Variants in TMBIM1 observed in about 807,000 individuals in gnomAD.
TMBIM1 encodes the protein transmembrane BAX inhibitor motif containing 1.
Under a neutral mutation model 45.1 loss-of-function variants are expected in TMBIM1, and 34 were observed. The ratio of observed to expected loss-of-function variants is 0.75; its 90% CI spans 0.57 to 1.00. The LOEUF (loss-of-function observed/expected upper bound fraction) is 1.00, where lower values mean the gene tolerates loss of function less well. TMBIM1 is among the 50% of genes least tolerant of loss of function. TMBIM1 has a pLI of 0.00. For missense variants in TMBIM1, 374 were observed against 402.4 expected, an observed-to-expected ratio of 0.93 and a Z score of 0.60; for synonymous variants, 157 against 153.5, an observed-to-expected ratio of 1.02 and a Z score of -0.17.
In TMBIM1 at chr2:218,278,577, G is replaced by C; in HGVS notation, c.423-12C>G. 1 of 1,614,182 alleles carries C rather than the reference G, an allele frequency of 6.2e-7. No individual in the cohort carries two copies. The highest frequency in any genetic ancestry group is 8.5e-7 in the Non-Finnish European group (1 of 1,180,002). On this transcript the variant is annotated splice_polypyrimidine_tract_variant and intron_variant, in intron 5 of 11. Transcript: ENST00000258412. Reference sequence around the variant, plus strand: ...CAACGAAGACAGCACTAGGGACAAAGAGATGGGGAAGCAGTTCAGGCCCAA... The same window carrying C: ...CAACGAAGACAGCACTAGGGACAAACAGATGGGGAAGCAGTTCAGGCCCAA...
At chr2:218,289,621 G>A (rs1436599689) in intron 1 of TMBIM1, among the ~76,000 whole-genome samples, 4 of 21,400 alleles carry the variant, frequency 1.9e-4, no homozygotes, top group East Asian at 1.8e-3. Flanking sequence ...CAGCCTGGGC[G>A]ACAGAAAAAA....
Position 218,277,072 on chromosome 2 carries a change from A to C in TMBIM1, c.667T>G (p.Phe223Val), listed in dbSNP as rs984558617. 1 of 1,614,210 alleles carries C rather than the reference A, an allele frequency of 6.2e-7. No individual in the cohort carries two copies. The highest frequency in any genetic ancestry group is 8.5e-7 in the Non-Finnish European group (1 of 1,180,020). ...AGGAGCACAATTCCCAGGACACAGA[A>C]GAGGCCTGTGCACGAGGTGAAGTCC... is the stretch of plus-strand genomic sequence containing the variant. ...KVDFTSCTGL[F>V]CVLGIVLLVT... Residue 223 changes from phenylalanine to valine, a missense_variant, in exon 10 of 12, where the codon TTC becomes GTC. By Grantham distance (50) the Phe-to-Val change is conservative (BLOSUM62 -1). Coordinates refer to ENST00000258412, the MANE Select transcript of TMBIM1 (RefSeq NM_022152.6).
chr2:218,277,986 G>C lies in TMBIM1; in HGVS notation c.474-12C>G. 1 of 1,614,112 alleles carries C rather than the reference G, an allele frequency of 6.2e-7. No individual in the cohort carries two copies. Among genetic ancestry groups the C allele is most frequent in the Admixed American group, 1.7e-5 (1 of 60,014 alleles). On this transcript the variant is annotated splice_polypyrimidine_tract_variant and intron_variant, in intron 6 of 11. Transcript: ENST00000258412. ...ATGGGAAACGGCGTCTGAAGGGAAA[G>C]AGAAGCCTTGATTAAATGACTTGGG...
chr2:218,283,877 A>G lies in TMBIM1; in HGVS notation c.-40-1696T>C, dbSNP rs566556598. On this transcript the variant is annotated intron_variant, in intron 1 of 11. Transcript: ENST00000258412. ...AGGGCAAGAATGTCAGGTCAGAAAT[A>G]CAAAGCTGGCAGGGTGCGGTAACTC... Among the ~76,000 whole-genome samples the G allele has an allele frequency of 1.1e-3, 165 of 152,268 alleles. 1 individual carries two copies. The highest frequency in any genetic ancestry group is 3.6e-3 in the African/African-American group (151 of 41,538).
intron 2 of TMBIM1, 77 bp downstream of exon 2, chr2:218,281,863 G>A: frequency 9.0e-7 from 1 of 1,110,444 alleles, no homozygotes; most frequent in Non-Finnish European, 1.3e-6. Flanking sequence ...AAGAGAAAAG[G>A]GGCAGGAGGC....
At chr2:218,289,613 G>A (rs1692793908) in intron 1 of TMBIM1, among the ~76,000 whole-genome samples, 1 of 116,034 alleles carries the variant, frequency 8.6e-6, no homozygotes, top group Non-Finnish European at 1.7e-5. Flanking sequence ...CTGCACTCCA[G>A]CCTGGGCGAC....
At chr2:218,277,739 C>A (rs1470168508) in intron 7 of TMBIM1, 69 bp from the exon 8 acceptor site, 1 of 1,597,902 alleles carries the variant, frequency 6.3e-7, no homozygotes. Flanking sequence ...GGGGGAGTGG[C>A]CATGGTGGCC....
Position 218,281,958 on chromosome 2 carries a change from G to A in TMBIM1, c.184C>T (p.Pro62Ser), listed in dbSNP as rs749253010. The A allele has an allele frequency of 1.2e-5, 19 of 1,600,260 alleles. No individual in the cohort carries two copies. The Admixed American group carries it at 3.2e-4, about 27-fold the overall frequency. The change falls in exon 2 of 12, where the codon CCG becomes TCG. Residue 62 changes from proline to serine, a missense_variant. Physicochemically the swap from Pro to Ser is moderately conservative, Grantham distance 74. Transcript: ENST00000258412. ...GACTCACCGTAGTTCATGGGCATCG[G>A]GTGGGTGGGGGGCATGGGCTGTGGG... ...GYPQPMPPTH[P>S]MPMNYGPGHG... is the part of the protein sequence containing the mutation.
intron 1 of TMBIM1, among the ~76,000 whole-genome samples, chr2:218,291,186 G>T (rs2382819): frequency 0.36 from 54,642 of 151,716 alleles, 10,244 homozygotes; most frequent in Middle Eastern, 0.53. Context: ...CTCTCTGAAG[G>T]GCTCATTTTT....
chr2:218,278,946 A>G (rs1454746579), intron 5 of TMBIM1, 92 bp downstream of exon 5: 1 of 1,491,098 alleles, frequency 6.7e-7, no homozygotes, highest in Non-Finnish European at 9.2e-7. Flanking sequence ...CTCAAAAAGC[A>G]TTTTGATCCT....
intron 10 of TMBIM1, 141 bp from the exon 11 acceptor site, chr2:218,276,220 A>G: frequency 1.2e-6 from 1 of 836,746 alleles, no homozygotes; most frequent in Non-Finnish European, 1.9e-6. Flanking sequence ...CTGCCTTTCC[A>G]GATCTTGGAG....
At chr2:218,277,195 G>A in intron 9 of TMBIM1, 96 bp from the exon 10 acceptor site, 7 of 1,220,180 alleles carry the variant, frequency 5.7e-6, no homozygotes, top group African/African-American at 3.0e-5. Context: ...TGCCTCCTAG[G>A]GGGTATGGGA....
At chr2:218,284,878 A>G (rs767924027) in intron 1 of TMBIM1, among the ~76,000 whole-genome samples, 1 of 152,164 alleles carries the variant, frequency 6.6e-6, no homozygotes, top group Non-Finnish European at 1.5e-5. Flanking sequence ...ATCACCTGAG[A>G]TCAGGAGTTC....
Position 218,279,344 on chromosome 2 carries a change from T to C in TMBIM1, c.313A>G (p.Ile105Val), listed in dbSNP as rs1253704886. 6.3e-7 allele frequency: 1 copy of C among 1,582,788 alleles called. No homozygotes were observed. ...GTGATGAGCAGCTGCACGGAGATGA[T>C]GGAGTAAACCTGGACACAGACGGCC... ...RHTFIRKVYS[I>V]ISVQLLITVA... Residue 105 changes from isoleucine (I) to valine (V), a missense_variant, in exon 4 of 12, where the codon ATC becomes GTC. Physicochemically the swap from Ile to Val is conservative, Grantham distance 29. Transcript: ENST00000258412.
chr2:218,282,195 G>A lies in TMBIM1; in HGVS notation c.-40-14C>T. ...AGCTGCTGGGACCTGAAATGGGAGAGGAGAAAAGCAATCGTGAATGCCCAG... is the reference window on the plus strand; with the variant it reads ...AGCTGCTGGGACCTGAAATGGGAGAAGAGAAAAGCAATCGTGAATGCCCAG... On this transcript the variant is annotated splice_polypyrimidine_tract_variant and intron_variant, in intron 1 of 11. Coordinates refer to ENST00000258412, the MANE Select transcript of TMBIM1 (RefSeq NM_022152.6). The A allele has an allele frequency of 7.3e-7, 1 of 1,374,388 alleles. No homozygotes were observed. The highest frequency in any genetic ancestry group is 3.3e-5 in the Admixed American group (1 of 30,596). The allele number at this position is 1,374,388 out of a possible 1,614,324, so 85.1% of individuals were successfully genotyped here. A position where few individuals can be genotyped will look rare whatever the true frequency, so the allele number is the denominator to read the frequency against.
At chr2:218,275,805 C>G (rs1296192289) in intron 11 of TMBIM1, among the ~76,000 whole-genome samples, 184 bp from the exon 12 acceptor site, 2 of 152,158 alleles carry the variant, frequency 1.3e-5, no homozygotes, top group African/African-American at 4.8e-5. Flanking sequence ...GCAGACACAC[C>G]GTTCTCAATA....
intron 2 of TMBIM1, chr2:218,280,331 C>T (rs1004252872): frequency 5.7e-6 from 3 of 523,072 alleles, no homozygotes; most frequent in East Asian, 3.4e-5. Context: ...AGGTGGGAAA[C>T]GTTCCTCACG....
chr2:218,276,572 C>T (rs947277287), intron 10 of TMBIM1, among the ~76,000 whole-genome samples: 1 of 152,178 alleles, frequency 6.6e-6, no homozygotes, highest in Non-Finnish European at 1.5e-5. Flanking sequence ...GCCCTCGTGT[C>T]CCCATCCTTC....
chr2:218,282,096 G>A lies in TMBIM1; in HGVS notation c.46C>T (p.Leu16=). The part of the protein sequence containing the change: ...APPPYEDRNP[L]YPGPPPPGGY... Reference sequence around the variant, plus strand: ...CCAGGGGGCGGAGGGCCTGGGTACAGGGGGTTGCGGTCTTCATATGGTGGT... The same window carrying A: ...CCAGGGGGCGGAGGGCCTGGGTACAAGGGGTTGCGGTCTTCATATGGTGGT... Residue 16 remains leucine, a synonymous_variant, in exon 2 of 12, where the codon CTG becomes TTG. Coordinates refer to ENST00000258412, the MANE Select transcript of TMBIM1 (RefSeq NM_022152.6). 6.4e-7 allele frequency: 1 copy of A among 1,563,232 alleles called. No individual in the cohort carries two copies. The highest frequency in any genetic ancestry group is 2.3e-5 in the East Asian group (1 of 42,604).
Sources: allele counts gnomAD v4.1 joint callset (sites outside exome capture counted in the v4.1 genomes callset), GRCh38; gene constraint gnomAD v4.1.1; transcripts MANE v1.5; gene names NCBI Gene and HGNC (gene_info 2026-07-23, HGNC 2026-07-21).